ENTREP2: variants seen among roughly 807,000 people sequenced by gnomAD.
ENTREP2 encodes the protein protein ENTREP2.
At chr15:29,423,563 G>A in the ENTREP2 span, among the ~76,000 whole-genome samples, 37 of 151,784 alleles carry the variant, frequency 2.4e-4, no homozygotes, top group African/African-American at 8.9e-4. Context: ...CAAGGCGGGC[G>A]GATCACGCGG....
chr15:29,280,434 T>G, the ENTREP2 span, among the ~76,000 whole-genome samples: 1 of 152,008 alleles, frequency 6.6e-6, no homozygotes, highest in Non-Finnish European at 1.5e-5. Flanking sequence ...TTCCAGGAAA[T>G]AAACAAGCTT....
At chr15:29,507,075 T>C in the ENTREP2 span, among the ~76,000 whole-genome samples, 2 of 148,906 alleles carry the variant, frequency 1.3e-5, no homozygotes, top group Admixed American at 6.7e-5. Context: ...ACCAAGCAAA[T>C]GGAAAGCAAA....
chr15:29,269,736 C>T, the ENTREP2 span: 11 of 1,459,086 alleles, frequency 7.5e-6, no homozygotes, highest in East Asian at 2.5e-4. Flanking sequence ...GCGCACACTC[C>T]GGTAGGCAAG....
At chr15:29,637,098 G>A in the ENTREP2 span, among the ~76,000 whole-genome samples, 3 of 152,186 alleles carry the variant, frequency 2.0e-5, no homozygotes, top group Non-Finnish European at 2.9e-5. Flanking sequence ...TGTTCACCCT[G>A]GGAAGGGAGG....
the ENTREP2 span, among the ~76,000 whole-genome samples, chr15:29,565,816 C>G: frequency 4.4e-3 from 662 of 151,940 alleles, 4 homozygotes; most frequent in African/African-American, 0.015. Context: ...ACAAAATTAG[C>G]AGGGTGTGGT....
At chr15:29,427,858 A>G in the ENTREP2 span, among the ~76,000 whole-genome samples, 3 of 152,194 alleles carry the variant, frequency 2.0e-5, no homozygotes, top group African/African-American at 7.2e-5. Context: ...CACTTTGAAC[A>G]AGAACCAGCA....
At chr15:29,397,391 A>T in the ENTREP2 span, among the ~76,000 whole-genome samples, 1 of 152,082 alleles carries the variant, frequency 6.6e-6, no homozygotes, top group Non-Finnish European at 1.5e-5. Flanking sequence ...ACTCCATCTT[A>T]AAAAAAGGAA....
chr15:29,327,321 G>A, the ENTREP2 span, among the ~76,000 whole-genome samples: 1 of 152,134 alleles, frequency 6.6e-6, no homozygotes, highest in African/African-American at 2.4e-5. Flanking sequence ...TGGGCGCGGT[G>A]GCTCAAGCCT....
the ENTREP2 span, chr15:29,373,626 CTTT>C: frequency 9.2e-5 from 14 of 151,554 alleles, no homozygotes; most frequent in Non-Finnish European, 1.8e-4. Context: ...ATTTTGCTTT[CTTT>C]TATTTTTATT....
the ENTREP2 span, among the ~76,000 whole-genome samples, chr15:29,671,063 A>T: frequency 6.6e-6 from 1 of 152,174 alleles, no homozygotes; most frequent in African/African-American, 2.4e-5. Flanking sequence ...AGATTGGGTT[A>T]ATCACCAGTG....
chr15:29,454,571 A>G, the ENTREP2 span, among the ~76,000 whole-genome samples: 1 of 152,220 alleles, frequency 6.6e-6, no homozygotes, highest in African/African-American at 2.4e-5. Flanking sequence ...GATAATGAGA[A>G]TGCATTTAAT....
the ENTREP2 span, among the ~76,000 whole-genome samples, chr15:29,559,052 G>A: frequency 1.3e-5 from 2 of 152,088 alleles, no homozygotes; most frequent in Non-Finnish European, 2.9e-5. Context: ...GCCCCTAACC[G>A]TGTACTGTTC....
the ENTREP2 span, among the ~76,000 whole-genome samples, chr15:29,175,787 T>C: frequency 2.7e-4 from 41 of 152,322 alleles, no homozygotes; most frequent in East Asian, 7.9e-3. Flanking sequence ...TTTGTATTTT[T>C]AGTAGAGACG....
At chr15:29,156,034 G>A in the ENTREP2 span, among the ~76,000 whole-genome samples, 1 of 152,136 alleles carries the variant, frequency 6.6e-6, no homozygotes, top group Admixed American at 6.5e-5. Flanking sequence ...GTGGCAAACA[G>A]CAGGCACAGG....
At chr15:29,185,743 G>A in the ENTREP2 span, among the ~76,000 whole-genome samples, 2 of 151,848 alleles carry the variant, frequency 1.3e-5, no homozygotes, top group Admixed American at 1.3e-4. Context: ...TGTATTTTTA[G>A]TAGAGACAGG....
chr15:29,373,568 T>C, the ENTREP2 span: 1 of 152,162 alleles, frequency 6.6e-6, no homozygotes, highest in Admixed American at 6.5e-5. Context: ...TATAAGATTG[T>C]GTTGTGTTTC....
chr15:29,210,981 C>T, the ENTREP2 span, among the ~76,000 whole-genome samples: 1 of 152,056 alleles, frequency 6.6e-6, no homozygotes, highest in Non-Finnish European at 1.5e-5. Context: ...AAGATACGTC[C>T]CAGAATGCAA....
At chr15:29,386,401 C>T in the ENTREP2 span, among the ~76,000 whole-genome samples, 586 of 152,210 alleles carry the variant, frequency 3.8e-3, 3 homozygotes, top group African/African-American at 0.013. Flanking sequence ...AGCGGGGCAC[C>T]GAAGAAGCGA....
chr15:29,400,951 G>A, the ENTREP2 span, among the ~76,000 whole-genome samples: 4 of 152,202 alleles, frequency 2.6e-5, no homozygotes, highest in Admixed American at 2.0e-4. Flanking sequence ...ACATGCCATC[G>A]CCCCGGGCCT....
Sources: allele counts gnomAD v4.1 joint callset (sites outside exome capture counted in the v4.1 genomes callset), GRCh38; gene constraint gnomAD v4.1.1; transcripts MANE v1.5; gene names NCBI Gene and HGNC (gene_info 2026-07-23, HGNC 2026-07-21).